The following SLC20A1 variants were observed in gnomAD, a reference collection of about 807,000 sequenced individuals.
The protein encoded by SLC20A1 is solute carrier family 20 member 1.
Under a neutral mutation model 62.7 loss-of-function variants are expected in SLC20A1, and 28 were observed. The ratio of observed to expected loss-of-function variants is 0.45; its 90% CI spans 0.33 to 0.61. The LOEUF is 0.61. Among genes scored for constraint, SLC20A1 ranks in the 20% least tolerant of loss-of-function variants. The pLI is 0.02. For missense variants in SLC20A1, 673 were observed against 838.6 expected (o/e 0.80, Z 2.44); for synonymous variants, 305 against 302.9 (o/e 1.01, Z -0.07).
chr2:112,655,328 G>A (rs761291893), intron 5 of SLC20A1, among the ~76,000 whole-genome samples: 3 of 151,882 alleles, frequency 2.0e-5, no homozygotes, highest in Non-Finnish European at 4.4e-5. Context: ...CAGTTTATAA[G>A]TACAAACAGT....
Position 112,647,059 on chromosome 2 carries a change from G to T in SLC20A1, c.231G>T (p.Leu77=), listed in dbSNP as rs1279550356. Residue 77 remains leucine (L), a synonymous_variant, in exon 2 of 11, where the codon CTG becomes CTT. Coordinates refer to ENST00000272542, the MANE Select transcript of SLC20A1 (RefSeq NM_005415.5). Reference sequence around the variant, plus strand: ...TTGAAACAGTGGGCTCTGTCTTACTGGGGGCCAAAGTGAGCGAAACCATCC... The same window carrying T: ...TTGAAACAGTGGGCTCTGTCTTACTTGGGGCCAAAGTGAGCGAAACCATCC... ...SIFETVGSVL[L]GAKVSETIRK... 1 of 1,614,180 alleles carries T rather than the reference G, an allele frequency of 6.2e-7. No homozygotes were observed.
chr2:112,660,399 GC>G lies in SLC20A1; in HGVS notation c.1622del (p.Pro541LeufsTer51), dbSNP rs752273240. The G allele has an allele frequency of 6.2e-7, 1 of 1,613,926 alleles. No homozygotes were observed. Among genetic ancestry groups the G allele is most frequent in the South Asian group, 1.1e-5 (1 of 91,044 alleles). On this transcript the variant is annotated frameshift_variant, in exon 9 of 11. Coordinates refer to ENST00000272542, the MANE Select transcript of SLC20A1 (RefSeq NM_005415.5). LOFTEE classifies it high-confidence loss of function. ...TTGTTTCTTCCAGCAATGCCATTGG[GC>G]CTCTGGTTGCTTTATATTTGGTTTA... ...GGNDVSNAIGPLVALYLVYDT... is the reference protein window; with the variant it reads ...GGNDVSNAIGXLVALYLVYDT...
chr2:112,651,402 C>T (rs998947888), intron 4 of SLC20A1, among the ~76,000 whole-genome samples: 1 of 151,900 alleles, frequency 6.6e-6, no homozygotes, highest in Non-Finnish European at 1.5e-5. Context: ...GATCTTTGCT[C>T]CCAATTTTTT....
chr2:112,661,330 G>A (rs1686742785), intron 10 of SLC20A1, 104 bp downstream of exon 10: 1 of 740,830 alleles, frequency 1.3e-6, no homozygotes, highest in Non-Finnish European at 2.3e-6. Context: ...TGTGCAGTTG[G>A]AGTCTTGAAG....
chr2:112,657,671 C>T (rs1031711582), intron 6 of SLC20A1, among the ~76,000 whole-genome samples: 3 of 152,210 alleles, frequency 2.0e-5, no homozygotes, highest in African/African-American at 7.2e-5. Flanking sequence ...CTGTGTATAA[C>T]TTCAGATTCA....
chr2:112,659,250 C>T lies in SLC20A1; in HGVS notation c.1095C>T (p.Ala365=), dbSNP rs749666114. ...PNGNLVQFSQ[A]VSNQINSSGH... ...GGAACCTTGTCCAGTTCAGTCAAGC[C>T]GTCAGCAACCAAATAAACTCCAGTG... Residue 365 remains alanine (A), a synonymous_variant, in exon 8 of 11, where the codon GCC becomes GCT. Transcript: ENST00000272542. 7.0e-5 allele frequency: 113 copies of T among 1,613,968 alleles called. 1 individual carries two copies. The South Asian group carries it at 1.2e-3, about 17-fold the overall frequency.
At chr2:112,658,603 T>G in intron 6 of SLC20A1, 1 of 466,406 alleles carries the variant, frequency 2.1e-6, no homozygotes. Context: ...TACAGAAAAA[T>G]TTTGGGACCC....
chr2:112,660,191 C>T (rs190474589), intron 8 of SLC20A1, among the ~76,000 whole-genome samples, 196 bp from the exon 9 acceptor site: 277 of 152,298 alleles, frequency 1.8e-3, no homozygotes, highest in African/African-American at 6.3e-3. Context: ...GCCTGGCATT[C>T]CCTCCATCAG....
chr2:112,646,369 G>A (rs1176780004), intron 1 of SLC20A1, among the ~76,000 whole-genome samples, 194 bp from the exon 2 acceptor site: 6 of 151,912 alleles, frequency 3.9e-5, no homozygotes, highest in Non-Finnish European at 5.9e-5. Context: ...GCAGCGCAGG[G>A]GCTGGGCTGG....
intron 1 of SLC20A1, among the ~76,000 whole-genome samples, 169 bp downstream of exon 1, chr2:112,646,298 C>G (rs943229443): frequency 4.0e-5 from 6 of 151,882 alleles, no homozygotes; most frequent in African/African-American, 1.4e-4. Flanking sequence ...TGGCGGTCCC[C>G]GGGCGGCGCG....
Position 112,659,054 on chromosome 2 carries a change from G to A in SLC20A1, c.1008G>A (p.Val336=), listed in dbSNP as rs780273283. Residue 336 remains valine, a synonymous_variant, in exon 7 of 11, where the codon GTG becomes GTA. Coordinates refer to ENST00000272542, the MANE Select transcript of SLC20A1 (RefSeq NM_005415.5). ...EAPERERLPS[V]DLKEETSIDS... ...CAGAGAGAGAGAGGCTTCCCAGCGTGGACTTGAAAGAGGAAACCAGCATAG... is the reference window on the plus strand; with the variant it reads ...CAGAGAGAGAGAGGCTTCCCAGCGTAGACTTGAAAGAGGAAACCAGCATAG... 6.2e-7 allele frequency: 1 copy of A among 1,614,118 alleles called. No homozygotes were observed. The highest frequency in any genetic ancestry group is 1.1e-5 in the South Asian group (1 of 91,080).
In SLC20A1 at chr2:112,658,820, C is replaced by T; in HGVS notation, c.779-5C>T. ...ACCAAAAAAGACCCCCCTTTTTTTT[C>T]CTAGGAGAAATAAAGTGTAGTCCTT... On this transcript the variant is annotated splice_polypyrimidine_tract_variant and splice_region_variant and intron_variant, in intron 6 of 10. Transcript: ENST00000272542. 2 of 1,576,906 alleles carry T rather than the reference C, an allele frequency of 1.3e-6. No homozygotes were observed. Among genetic ancestry groups the T allele is most frequent in the South Asian group, 1.2e-5 (1 of 85,406 alleles).
At chr2:112,657,986 G>A (rs771451663) in intron 6 of SLC20A1, among the ~76,000 whole-genome samples, 4 of 152,138 alleles carry the variant, frequency 2.6e-5, no homozygotes, top group Non-Finnish European at 4.4e-5. Context: ...GAAGTTTATC[G>A]TTTCGAAGCT....
chr2:112,653,211 AT>A (rs1397986726), intron 5 of SLC20A1: 2 of 270,652 alleles, frequency 7.4e-6, no homozygotes, highest in African/African-American at 4.4e-5. Flanking sequence ...TGGAGATACT[AT>A]TGTTTCTAAG....
intron 10 of SLC20A1, among the ~76,000 whole-genome samples, chr2:112,662,244 CTG>C (rs1281136547): frequency 6.6e-6 from 1 of 152,192 alleles, no homozygotes; most frequent in Non-Finnish European, 1.5e-5. Context: ...ATCAGCCACT[CTG>C]TAAATAATCT....
intron 4 of SLC20A1, among the ~76,000 whole-genome samples, chr2:112,650,610 C>T (rs1686407380): frequency 6.6e-6 from 1 of 151,724 alleles, no homozygotes; most frequent in Non-Finnish European, 1.5e-5. Context: ...GGATTACAGG[C>T]TTGAGCCACT....
chr2:112,658,840 G>A lies in SLC20A1; in HGVS notation c.794G>A (p.Ser265Asn), dbSNP rs765825896. Reference protein sequence around the residue: ...KRKIEREIKCSPSESPLMEKK... With the variant: ...KRKIEREIKCNPSESPLMEKK... Reference sequence around the variant, plus strand: ...TTTTTCCTAGGAGAAATAAAGTGTAGTCCTTCTGAAAGCCCCTTAATGGAA... The same window carrying A: ...TTTTTCCTAGGAGAAATAAAGTGTAATCCTTCTGAAAGCCCCTTAATGGAA... Residue 265 changes from serine (S) to asparagine (N), a missense_variant, in exon 7 of 11, where the codon AGT becomes AAT. Transcript: ENST00000272542. 2 of 1,610,830 alleles carry A rather than the reference G, an allele frequency of 1.2e-6. No homozygotes were observed. The highest frequency in any genetic ancestry group is 1.7e-6 in the Non-Finnish European group (2 of 1,178,314).
Position 112,659,428 on chromosome 2 carries a change from A to G in SLC20A1, c.1273A>G (p.Ile425Val). 6.2e-7 allele frequency: 1 copy of G among 1,614,212 alleles called. No individual in the cohort carries two copies. The highest frequency in any genetic ancestry group is 1.1e-5 in the South Asian group (1 of 91,084). ...TAGCTATACTTCCTATACCATGGCA[A>G]TATGTGGCATGCCTCTGGATTCATT... Reference protein sequence around the residue: ...NNSYTSYTMAICGMPLDSFRA... With the variant: ...NNSYTSYTMAVCGMPLDSFRA... The change falls in exon 8 of 11, where the codon ATA becomes GTA. Residue 425 changes from isoleucine to valine, a missense_variant. By Grantham distance (29) the Ile-to-Val change is conservative (BLOSUM62 3). Coordinates refer to ENST00000272542, the MANE Select transcript of SLC20A1 (RefSeq NM_005415.5).
At position 112,660,479 on chromosome 2, in the gene SLC20A1, A is replaced by T; in HGVS notation, c.1700A>T (p.Tyr567Phe). 6.2e-7 allele frequency: 1 copy of T among 1,614,174 alleles called. No homozygotes were observed. The highest frequency in any genetic ancestry group is 8.5e-7 in the Non-Finnish European group (1 of 1,180,000). The change falls in exon 9 of 11, where the codon TAT (tyrosine) becomes TTT (phenylalanine). Residue 567 changes from tyrosine (Y) to phenylalanine (F), a missense_variant. Physicochemically the swap from Tyr to Phe is conservative, Grantham distance 22. Transcript: ENST00000272542. ...GCAACACCAATATGGCTTCTACTCT[A>T]TGGTGGTGTTGGTATCTGTGTTGGT... ...KVATPIWLLL[Y>F]GGVGICVGLW...
Sources: gnomAD v4.1 joint callset for allele counts (sites outside exome capture counted in the v4.1 genomes callset) on GRCh38, gnomAD v4.1.1 for gene constraint, MANE v1.5 for transcripts, NCBI Gene and HGNC (gene_info 2026-07-23, HGNC 2026-07-21) for gene names.